The following ALK variants were observed in gnomAD, a reference collection of about 807,000 sequenced individuals.
ALK encodes the protein ALK tyrosine kinase receptor.
ALK carries 74 observed loss-of-function variants against 163.1 expected under a neutral mutation model. The observed-to-expected ratio is 0.45, with a 90% confidence interval of 0.38 to 0.55. ALK has a LOEUF of 0.55. Ranked by LOEUF, ALK falls within the 20% of genes least tolerant of loss-of-function variation. ALK has a pLI of 0.00. For missense variants in ALK, 2,063 were observed against 2,105.3 expected, an observed-to-expected ratio of 0.98 and a Z score of 0.39; for synonymous variants, 960 against 843.2, an observed-to-expected ratio of 1.14 and a Z score of -2.40.
At chr2:29,468,701 A>T (rs996199487) in intron 4 of ALK, among the ~76,000 whole-genome samples, 16 of 147,632 alleles carry the variant, frequency 1.1e-4, no homozygotes, top group African/African-American at 3.4e-4. Context: ...ATTTGAAAAA[A>T]AATGTAGCTG....
chr2:29,654,421 G>C (rs976348311), intron 3 of ALK, among the ~76,000 whole-genome samples: 2 of 152,092 alleles, frequency 1.3e-5, no homozygotes, highest in African/African-American at 4.8e-5. Context: ...AAGCTGCTTT[G>C]GGTCTTCCAG....
chr2:29,879,288 A>T, intron 1 of ALK, among the ~76,000 whole-genome samples: 1 of 152,224 alleles, frequency 6.6e-6, no homozygotes, highest in East Asian at 1.9e-4. Flanking sequence ...GCTTACAAGG[A>T]AATACTCTTA....
At chr2:29,366,745 G>A (rs192284271) in intron 5 of ALK, among the ~76,000 whole-genome samples, 28 of 152,224 alleles carry the variant, frequency 1.8e-4, no homozygotes, top group African/African-American at 6.7e-4. Context: ...GAGAATGAGA[G>A]AAGAACAATT....
At chr2:29,517,652 T>C (rs1189074701) in intron 4 of ALK, among the ~76,000 whole-genome samples, 1 of 152,230 alleles carries the variant, frequency 6.6e-6, no homozygotes, top group Non-Finnish European at 1.5e-5. Context: ...GGAGATATTA[T>C]CTGACTCTCC....
At chr2:29,499,478 G>A (rs1219607138) in intron 4 of ALK, among the ~76,000 whole-genome samples, 1 of 152,190 alleles carries the variant, frequency 6.6e-6, no homozygotes, top group East Asian at 1.9e-4. Context: ...TTACAGGTAT[G>A]AGCCACTGCA....
chr2:29,227,101 T>A lies in ALK; in HGVS notation c.2915-27A>T, dbSNP rs778941003. 1 of 1,614,100 alleles carries A rather than the reference T, an allele frequency of 6.2e-7. No homozygotes were observed. Among genetic ancestry groups the A allele is most frequent in the Non-Finnish European group, 8.5e-7 (1 of 1,180,024 alleles). On this transcript the variant is annotated intron_variant, in intron 17 of 28. Coordinates refer to ENST00000389048, the MANE Select transcript of ALK (RefSeq NM_004304.5). This position sits in a 1 kb window ranked among gnomAD's most constrained non-coding sequence, Gnocchi z 4.4. The stretch of plus-strand genomic sequence containing the variant: ...TAGTGACAAGGAGGGAGGGTCAGTC[T>A]TGGGCCGAGCCTGCCTCCCCACTCC...
At position 29,921,085 on chromosome 2, in the gene ALK, T is replaced by A. The variant is rs1424062689; in HGVS notation, c.-426A>T. On this transcript the variant is annotated 5_prime_UTR_variant, in exon 1 of 29. Transcript: ENST00000389048. ...TCCCCTCTCGGGGCAGCCTCCAATC[T>A]CTGCAACTTTTAAGGCTGAGAACGG... 4.0e-6 allele frequency: 1 copy of A among 250,762 alleles called. No homozygotes were observed. The highest frequency in any genetic ancestry group is 7.7e-6 in the Non-Finnish European group (1 of 130,092). 15.5% of individuals were successfully genotyped at this position (250,762 alleles called of 1,614,324 possible).
chr2:29,867,913 G>T (rs1287143157), intron 1 of ALK, among the ~76,000 whole-genome samples: 1 of 152,198 alleles, frequency 6.6e-6, no homozygotes, highest in Non-Finnish European at 1.5e-5. Flanking sequence ...GGGATGGGAG[G>T]AGTGGGCAGC....
chr2:29,757,147 C>T (rs1680560225), intron 1 of ALK, among the ~76,000 whole-genome samples: 1 of 152,134 alleles, frequency 6.6e-6, no homozygotes. Context: ...GGTGCAAAGC[C>T]TTTAAGGCAG....
intron 12 of ALK, among the ~76,000 whole-genome samples, chr2:29,240,070 G>T (rs527733354): frequency 8.3e-4 from 127 of 152,098 alleles, no homozygotes; most frequent in African/African-American, 2.9e-3. Context: ...CTAGTAAAGG[G>T]TGCAAGAGAG....
intron 1 of ALK, among the ~76,000 whole-genome samples, chr2:29,798,800 G>C (rs1217502338): frequency 1.3e-5 from 2 of 152,164 alleles, no homozygotes; most frequent in Non-Finnish European, 2.9e-5. Flanking sequence ...CAATCCTAGA[G>C]AGAAGGACTC....
intron 1 of ALK, among the ~76,000 whole-genome samples, chr2:29,784,076 C>T (rs6735933): frequency 0.048 from 7,146 of 150,128 alleles, 202 homozygotes; most frequent in South Asian, 0.12. Context: ...AACGAGAGAG[C>T]GAGACAGAGA....
At chr2:29,521,587 T>C (rs1284018102) in intron 4 of ALK, among the ~76,000 whole-genome samples, 1 of 152,206 alleles carries the variant, frequency 6.6e-6, no homozygotes, top group Non-Finnish European at 1.5e-5. Context: ...CATATGTGTG[T>C]CGTTCCCTAA....
chr2:29,483,669 G>A (rs1671717318), intron 4 of ALK, among the ~76,000 whole-genome samples: 1 of 152,244 alleles, frequency 6.6e-6, no homozygotes, highest in Non-Finnish European at 1.5e-5. Context: ...GCTTTATCAA[G>A]TCATTACTTT....
At chr2:29,615,173 G>A (rs1675805979) in intron 3 of ALK, among the ~76,000 whole-genome samples, 1 of 152,074 alleles carries the variant, frequency 6.6e-6, no homozygotes, top group South Asian at 2.1e-4. Flanking sequence ...GTGACTTTAA[G>A]GATGCTGTTC....
At chr2:29,752,740 C>T (rs543676089) in intron 1 of ALK, among the ~76,000 whole-genome samples, 1 of 152,292 alleles carries the variant, frequency 6.6e-6, no homozygotes, top group East Asian at 1.9e-4. Flanking sequence ...TCTGCTCTCA[C>T]ATCCTGTACT....
chr2:29,572,274 G>C (rs1558389899), intron 3 of ALK, among the ~76,000 whole-genome samples: 1 of 152,222 alleles, frequency 6.6e-6, no homozygotes, highest in Non-Finnish European at 1.5e-5. Flanking sequence ...CATATTTGTG[G>C]AGAGGTCTTG....
intron 3 of ALK, among the ~76,000 whole-genome samples, chr2:29,597,325 G>A (rs1573487829): frequency 6.6e-6 from 1 of 152,244 alleles, no homozygotes; most frequent in East Asian, 1.9e-4. Flanking sequence ...GCGAGGGAGT[G>A]GAGATTTAGT....
At chr2:29,358,114 C>A (rs1011483060) in intron 5 of ALK, among the ~76,000 whole-genome samples, 1 of 152,148 alleles carries the variant, frequency 6.6e-6, no homozygotes, top group Admixed American at 6.5e-5. Context: ...GAGTCCATAA[C>A]CAATATGGTA....
Sources: gnomAD v4.1 joint callset for allele counts (sites outside exome capture counted in the v4.1 genomes callset) on GRCh38, gnomAD v4.1.1 for gene constraint, Gnocchi (gnomAD v3.1) non-coding constraint, MANE v1.5 for transcripts, NCBI Gene and HGNC (gene_info 2026-07-23, HGNC 2026-07-21) for gene names.